The following TMEM161A variants were observed in gnomAD, a reference collection of about 807,000 sequenced individuals.
TMEM161A encodes the protein transmembrane protein 161A, also known as adaptive response to oxidative stress protein 29.
In TMEM161A, 46 loss-of-function variants were observed where a neutral mutation model predicts 57.1. That is an observed-to-expected ratio of 0.81 (90% CI 0.64 to 1.03). The LOEUF (loss-of-function observed/expected upper bound fraction) is 1.03, where lower values mean the gene tolerates loss of function less well. Among genes scored for constraint, TMEM161A ranks in the 50% least tolerant of loss-of-function variants. The pLI is 0.00. For missense variants in TMEM161A, 601 were observed against 621.5 expected (o/e 0.97, Z 0.35); for synonymous variants, 288 against 279.0 (o/e 1.03, Z -0.32).
chr19:19,127,283 G>C (rs555497896), intron 6 of TMEM161A, among the ~76,000 whole-genome samples: 123 of 146,870 alleles, frequency 8.4e-4, no homozygotes, highest in Non-Finnish European at 1.2e-3. Flanking sequence ...TAAACAAAAT[G>C]TGTTCCACCC....
chr19:19,134,751 G>T (rs1034952255), intron 2 of TMEM161A, 33 bp downstream of exon 2: 2 of 1,502,118 alleles, frequency 1.3e-6, no homozygotes, highest in East Asian at 4.9e-5. Flanking sequence ...GCGTGACTCC[G>T]CGGGCCCCTC....
rs2059974767 is a variant in TMEM161A at position 19,134,383 on chromosome 19, C to T, written c.107+401G>A. On this transcript the variant is annotated intron_variant, in intron 2 of 11. Transcript: ENST00000162044. ...TTGGGAGGCCAAAGTGGTAGGATCGCTTGAGCCTAGGAGTTTGAGACCAGC... is the reference window on the plus strand; with the variant it reads ...TTGGGAGGCCAAAGTGGTAGGATCGTTTGAGCCTAGGAGTTTGAGACCAGC... Among the ~76,000 whole-genome samples the T allele has an allele frequency of 2.0e-5, 3 of 152,220 alleles. No homozygotes were observed. In the South Asian group the frequency reaches 6.2e-4, roughly 32 times the overall value.
chr19:19,131,525 CA>C (rs2059958697), intron 5 of TMEM161A, among the ~76,000 whole-genome samples: 1 of 151,904 alleles, frequency 6.6e-6, no homozygotes, highest in Admixed American at 6.6e-5. Flanking sequence ...CACACACACA[CA>C]CACACAATTT....
At position 19,120,027 on chromosome 19, in the gene TMEM161A, C is replaced by T; in HGVS notation, c.1343G>A (p.Arg448His). ...CCAGATGAGGTAGGCCAGGACGCCACGGAGGAAGAGGGGAGTAAGCAGGCC... is the reference window on the plus strand; with the variant it reads ...CCAGATGAGGTAGGCCAGGACGCCATGGAGGAAGAGGGGAGTAAGCAGGCC... ...LGGLLTPLFL[R>H]GVLAYLIWWT... The change falls in exon 12 of 12, where the codon CGT becomes CAT. Residue 448 changes from arginine to histidine, a missense_variant. Coordinates refer to ENST00000162044, the MANE Select transcript of TMEM161A (RefSeq NM_017814.3). 6.3e-7 allele frequency: 1 copy of T among 1,599,910 alleles called. No homozygotes were observed.
intron 6 of TMEM161A, among the ~76,000 whole-genome samples, chr19:19,128,228 C>G (rs941260277): frequency 8.3e-6 from 1 of 120,768 alleles, no homozygotes; most frequent in Non-Finnish European, 1.7e-5. Flanking sequence ...TCTAAATAGA[C>G]TTTTTTTTTT....
In TMEM161A at chr19:19,130,260, C is replaced by A. The variant is rs144358277; in HGVS notation, c.491G>T (p.Gly164Val). 6.2e-6 allele frequency: 10 copies of A among 1,613,870 alleles called. No homozygotes were observed. The East Asian group carries it at 1.8e-4, about 29-fold the overall frequency. ...VTRLYFSAEEGGERSVCLTFA... is the reference protein window; with the variant it reads ...VTRLYFSAEEVGERSVCLTFA... ...GGTGAGGCAGACAGAGCGCTCACCC[C>A]CCTCCTCGGCGCTGAAGTACAGCCG... is the stretch of plus-strand genomic sequence containing the variant. The change falls in exon 6 of 12, where the codon GGG becomes GTG. Residue 164 changes from glycine to valine, a missense_variant. Coordinates refer to ENST00000162044, the MANE Select transcript of TMEM161A (RefSeq NM_017814.3).
intron 6 of TMEM161A, among the ~76,000 whole-genome samples, chr19:19,129,916 GA>G (rs1174796473): frequency 1.3e-5 from 2 of 149,438 alleles, no homozygotes; most frequent in African/African-American, 2.5e-5. Flanking sequence ...AAAAAAAAAA[GA>G]AAAAAAAAGA....
rs10403251 is a variant in TMEM161A, at chr19:19,124,816, G to A, written c.596-2997C>T. 4.5e-3 allele frequency among the ~76,000 whole-genome samples: 686 copies of A among 152,024 alleles called. 7 individuals carry two copies. The highest frequency in any genetic ancestry group is 0.015 in the African/African-American group (621 of 41,460). On this transcript the variant is annotated intron_variant, in intron 6 of 11. Coordinates refer to ENST00000162044, the MANE Select transcript of TMEM161A (RefSeq NM_017814.3). ...CTAAAAATACAAAAATTAGCCAGGC[G>A]TGGTGGCGTGCACCTGTAATCCCAG...
Position 19,121,605 on chromosome 19 carries a change from G to A in TMEM161A, c.720C>T (p.Ala240=). 3 of 1,614,002 alleles carry A rather than the reference G, an allele frequency of 1.9e-6. No homozygotes were observed. Among genetic ancestry groups the A allele is most frequent in the Admixed American group, 1.7e-5 (1 of 60,022 alleles). The part of the protein sequence containing the change: ...GLAVVGSVLG[A]FLTFPGLRLA... Reference sequence around the variant, plus strand: ...GCCGCAGGCCTGGGAAGGTGAGGAAGGCACCCAGCACAGAGCCCACCACTG... The same window carrying A: ...GCCGCAGGCCTGGGAAGGTGAGGAAAGCACCCAGCACAGAGCCCACCACTG... Residue 240 remains alanine (A), a synonymous_variant, in exon 8 of 12, where the codon GCC becomes GCT. Coordinates refer to ENST00000162044, the MANE Select transcript of TMEM161A (RefSeq NM_017814.3). The surrounding 1 kb of genome is among the most constrained non-coding windows in gnomAD (Gnocchi z 5.8).
At position 19,121,391 on chromosome 19, in the gene TMEM161A, G is replaced by A; in HGVS notation, c.831C>T (p.Pro277=). The change falls in exon 9 of 12, where the codon CCC becomes CCT. Residue 277 remains proline (P), a synonymous_variant. Transcript: ENST00000162044. The surrounding 1 kb of genome is among the most constrained non-coding windows in gnomAD (Gnocchi z 5.8). ...QFLLHTSFLS[P]LFILWLWTKP... ...TTGTCCAGAGCCACAGGATGAACAGGGGAGACAGGAAGCTGGTGTGCAGGA... is the reference window on the plus strand; with the variant it reads ...TTGTCCAGAGCCACAGGATGAACAGAGGAGACAGGAAGCTGGTGTGCAGGA... The A allele has an allele frequency of 6.2e-7, 1 of 1,612,576 alleles. No homozygotes were observed. The highest frequency in any genetic ancestry group is 8.5e-7 in the Non-Finnish European group (1 of 1,179,416).
chr19:19,133,359 T>C, intron 2 of TMEM161A, 149 bp from the exon 3 acceptor site: 1 of 676,976 alleles, frequency 1.5e-6, no homozygotes, highest in Admixed American at 2.8e-5. Flanking sequence ...GGGGAAATTC[T>C]GGGGAAATCG....
chr19:19,119,814 C>T lies in TMEM161A; in HGVS notation c.*116G>A. 4 of 1,346,714 alleles carry T rather than the reference C, an allele frequency of 3.0e-6. No individual in the cohort carries two copies. The highest frequency in any genetic ancestry group is 3.0e-6 in the Non-Finnish European group (3 of 998,208). 83.4% of individuals were successfully genotyped at this position (1,346,714 alleles called of 1,614,324 possible). A position where few individuals can be genotyped will look rare whatever the true frequency, so the allele number is the denominator to read the frequency against. On this transcript the variant is annotated 3_prime_UTR_variant, in exon 12 of 12. Transcript: ENST00000162044. ...TCAGGCACTGTGGTGAAGGGAACGC[C>T]GGGGAGTCCGGCCCCACCTTGCAGC...
chr19:19,120,498 C>T (rs1002210999), intron 11 of TMEM161A, among the ~76,000 whole-genome samples: 1 of 151,900 alleles, frequency 6.6e-6, no homozygotes, highest in Admixed American at 6.6e-5. Context: ...CCACCTCCTG[C>T]TCAGACCCTG....
At chr19:19,127,524 A>G (rs539813518) in intron 6 of TMEM161A, among the ~76,000 whole-genome samples, 116 of 151,936 alleles carry the variant, frequency 7.6e-4, no homozygotes, top group East Asian at 2.8e-3. Context: ...GAGTTTCACC[A>G]TGTTAGCCAG....
At position 19,121,496 on chromosome 19, in the gene TMEM161A, C is replaced by T. The variant is rs199547064; in HGVS notation, c.800+29G>A. The stretch of plus-strand genomic sequence containing the variant: ...GAGTCTCTCCCTTAAGCTCCCTAGT[C>T]CCCCCACCCACCAAGCGACCCACTT... On this transcript the variant is annotated intron_variant, in intron 8 of 11. Transcript: ENST00000162044. The surrounding 1 kb of genome is among the most constrained non-coding windows in gnomAD (Gnocchi z 5.8). 543 of 1,613,378 alleles carry T rather than the reference C, an allele frequency of 3.4e-4. 6 individuals carry two copies. The East Asian group carries it at 0.012, about 34-fold the overall frequency.
intron 5 of TMEM161A, among the ~76,000 whole-genome samples, chr19:19,130,694 T>A (rs1468667787): frequency 6.6e-6 from 1 of 152,074 alleles, no homozygotes; most frequent in Non-Finnish European, 1.5e-5. Flanking sequence ...CCCAGCACTT[T>A]GGGAGGCCAA....
chr19:19,130,031 G>T, intron 6 of TMEM161A, 125 bp downstream of exon 6: 2 of 1,085,526 alleles, frequency 1.8e-6, no homozygotes, highest in Non-Finnish European at 2.6e-6. Context: ...AATGGGGACT[G>T]CCTTCACCCC....
At chr19:19,120,585 GTCCAAGGCAAGCCCCAC>G (rs915629217) in intron 11 of TMEM161A, among the ~76,000 whole-genome samples, 163 bp downstream of exon 11, 3 of 149,054 alleles carry the variant, frequency 2.0e-5, no homozygotes, top group African/African-American at 7.5e-5. Context: ...TCCACTTCCT[GTCCAAGGCAAGCCCCAC>G]TCCAGGCTCC....
rs766803586 is a variant in TMEM161A at position 19,133,185 on chromosome 19, C to T, written c.133G>A (p.Glu45Lys). The T allele has an allele frequency of 1.2e-6, 2 of 1,614,042 alleles. No homozygotes were observed. The highest frequency in any genetic ancestry group is 1.7e-5 in the Admixed American group (1 of 59,998). The change falls in exon 3 of 12, where the codon GAG becomes AAG. Residue 45 changes from glutamate (E) to lysine (K), a missense_variant. Coordinates refer to ENST00000162044, the MANE Select transcript of TMEM161A (RefSeq NM_017814.3). The part of the protein sequence containing the change: ...GSLFRYKHPS[E>K]EELRALAGKP... Reference sequence around the variant, plus strand: ...CCCGCCAGGGCCCGAAGCTCCTCCTCAGACGGGTGCTTGTATCGGAACAAA... The same window carrying T: ...CCCGCCAGGGCCCGAAGCTCCTCCTTAGACGGGTGCTTGTATCGGAACAAA...
Sources: allele counts gnomAD v4.1 joint callset (sites outside exome capture counted in the v4.1 genomes callset), GRCh38; gene constraint gnomAD v4.1.1; non-coding constraint Gnocchi (gnomAD v3.1); transcripts MANE v1.5; gene names NCBI Gene and HGNC (gene_info 2026-07-23, HGNC 2026-07-21).